ANKS1B: variants seen among roughly 807,000 people sequenced by gnomAD.
ANKS1B encodes ankyrin repeat and sterile alpha motif domain-containing protein 1B.
In ANKS1B, 36 loss-of-function variants were observed where a neutral mutation model predicts 148.3. That is an observed-to-expected ratio of 0.24 (90% CI 0.19 to 0.32). The LOEUF (loss-of-function observed/expected upper bound fraction) is 0.32. ANKS1B is among the 10% of genes least tolerant of loss of function. The probability of loss-of-function intolerance (pLI) is 1.00; values close to 1 mark genes in which losing one functional copy is unlikely to be tolerated. For missense variants in ANKS1B, 1,157 were observed against 1,542.6 expected, an observed-to-expected ratio of 0.75 and a Z score of 4.19; for synonymous variants, 542 against 560.8, an observed-to-expected ratio of 0.97 and a Z score of 0.47.
At chr12:98,993,651 C>T (rs1252199831) in intron 17 of ANKS1B, among the ~76,000 whole-genome samples, 1 of 151,990 alleles carries the variant, frequency 6.6e-6, no homozygotes, top group Non-Finnish European at 1.5e-5. Flanking sequence ...GAAAATACTC[C>T]AAAAAACAGT....
intron 10 of ANKS1B, among the ~76,000 whole-genome samples, chr12:99,464,961 G>A (rs1050701833): frequency 7.9e-5 from 12 of 152,080 alleles, no homozygotes; most frequent in African/African-American, 1.9e-4. Flanking sequence ...GATACTCCTC[G>A]AGAAGAGCAA....
chr12:99,481,730 C>T (rs1326028083), intron 10 of ANKS1B, among the ~76,000 whole-genome samples: 1 of 151,734 alleles, frequency 6.6e-6, no homozygotes, highest in Non-Finnish European at 1.5e-5. Context: ...AATGGCCATT[C>T]TTGCAGGAGT....
At chr12:99,265,019 T>C (rs1047131247) in intron 12 of ANKS1B, among the ~76,000 whole-genome samples, 16 of 152,180 alleles carry the variant, frequency 1.1e-4, no homozygotes, top group Non-Finnish European at 1.8e-4. Flanking sequence ...GCCAATATGG[T>C]AACCACTAAC....
At chr12:99,753,339 A>G (rs901978843) in intron 8 of ANKS1B, among the ~76,000 whole-genome samples, 1 of 152,172 alleles carries the variant, frequency 6.6e-6, no homozygotes, top group African/African-American at 2.4e-5. Context: ...GACAAATAAC[A>G]AAGGAATAAG....
chr12:98,815,365 T>C (rs1235132922), intron 19 of ANKS1B, among the ~76,000 whole-genome samples: 2 of 152,242 alleles, frequency 1.3e-5, no homozygotes, highest in African/African-American at 2.4e-5. Context: ...TGTGACACCC[T>C]TGATCACTCC....
At chr12:98,757,904 T>A (rs891245591) in intron 25 of ANKS1B, among the ~76,000 whole-genome samples, 1 of 142,354 alleles carries the variant, frequency 7.0e-6, no homozygotes, top group African/African-American at 2.6e-5. Context: ...AGACCACCAG[T>A]GAAAGAGAGC....
At chr12:99,161,043 T>C (rs187431105) in intron 14 of ANKS1B, among the ~76,000 whole-genome samples, 38 of 152,322 alleles carry the variant, frequency 2.5e-4, no homozygotes, top group Admixed American at 6.5e-4. Context: ...TCAACATGAA[T>C]TTTAGAAAAG....
chr12:99,288,075 C>T (rs1007909134), intron 12 of ANKS1B, among the ~76,000 whole-genome samples: 1 of 151,986 alleles, frequency 6.6e-6, no homozygotes, highest in Non-Finnish European at 1.5e-5. Context: ...TTCTATAACA[C>T]CAAGCAAATT....
chr12:98,800,676 A>ATTT (rs11441175), intron 21 of ANKS1B, among the ~76,000 whole-genome samples: 2 of 77,834 alleles, frequency 2.6e-5, no homozygotes, highest in Non-Finnish European at 5.3e-5. Context: ...GTGAGCAGAG[A>ATTT]TATATATATA....
At chr12:99,959,116 C>T (rs2095368330) in intron 1 of ANKS1B, among the ~76,000 whole-genome samples, 1 of 145,796 alleles carries the variant, frequency 6.9e-6, no homozygotes, top group Non-Finnish European at 1.5e-5. Flanking sequence ...AGTGCAGTGG[C>T]ATGGCGCGAT....
chr12:98,758,147 C>T (rs181741244), intron 25 of ANKS1B, among the ~76,000 whole-genome samples: 2 of 152,206 alleles, frequency 1.3e-5, no homozygotes, highest in African/African-American at 4.8e-5. Flanking sequence ...TGTGGCCATG[C>T]ACCATGCTAA....
intron 9 of ANKS1B, among the ~76,000 whole-genome samples, chr12:99,560,655 A>T (rs2097324132): frequency 6.6e-6 from 1 of 152,144 alleles, no homozygotes; most frequent in African/African-American, 2.4e-5. Context: ...TTATATCTAT[A>T]AAAGCAATGT....
chr12:99,586,067 A>G lies in ANKS1B; in HGVS notation c.1272+69000T>C, dbSNP rs534566995. On this transcript the variant is annotated intron_variant, in intron 9 of 26. Transcript: ENST00000683438. ...CTCAGAAAATGAATTTTTCCCTTCT[A>G]TTGCATCATCAGGCTGCAAATTTTC... is the stretch of plus-strand genomic sequence containing the variant. Among the ~76,000 whole-genome samples the G allele has an allele frequency of 1.3e-4, 20 of 152,170 alleles. No individual in the cohort carries two copies. In the South Asian group the frequency reaches 3.3e-3, roughly 25 times the overall value.
intron 9 of ANKS1B, among the ~76,000 whole-genome samples, chr12:99,513,397 T>C (rs946902319): frequency 6.6e-6 from 1 of 152,080 alleles, no homozygotes; most frequent in Non-Finnish European, 1.5e-5. Context: ...GAAGTATGTC[T>C]GTACCAGAAT....
chr12:99,061,755 A>G (rs1047213879), intron 16 of ANKS1B, among the ~76,000 whole-genome samples: 1 of 152,238 alleles, frequency 6.6e-6, no homozygotes, highest in Admixed American at 6.5e-5. Flanking sequence ...GAACATTTAA[A>G]TGAAGCCTGT....
At chr12:99,803,951 A>C (rs1463522310) in intron 4 of ANKS1B, among the ~76,000 whole-genome samples, 1 of 152,164 alleles carries the variant, frequency 6.6e-6, no homozygotes, top group East Asian at 1.9e-4. Context: ...TCCTCCACTA[A>C]GCGTGGGGCA....
chr12:98,961,131 A>G (rs1476570388), intron 17 of ANKS1B, among the ~76,000 whole-genome samples: 1 of 152,224 alleles, frequency 6.6e-6, no homozygotes, highest in East Asian at 1.9e-4. Context: ...TAACAAACCT[A>G]GAGAAAGGTG....
intron 8 of ANKS1B, among the ~76,000 whole-genome samples, chr12:99,716,659 C>T (rs940202040): frequency 3.9e-5 from 6 of 152,104 alleles, no homozygotes; most frequent in Non-Finnish European, 7.4e-5. Context: ...AATGGGCAAA[C>T]GGTCTGAGGT....
intron 10 of ANKS1B, among the ~76,000 whole-genome samples, chr12:99,478,203 G>A (rs143741444): frequency 1.3e-5 from 2 of 152,190 alleles, no homozygotes; most frequent in African/African-American, 2.4e-5. Context: ...CTCTTTCATA[G>A]GCCCCTCCCA....
Sources: gnomAD v4.1 joint callset for allele counts (sites outside exome capture counted in the v4.1 genomes callset) on GRCh38, gnomAD v4.1.1 for gene constraint, MANE v1.5 for transcripts, NCBI Gene and HGNC (gene_info 2026-07-23, HGNC 2026-07-21) for gene names.